The following LRRC28 variants were observed in gnomAD, a reference collection of about 807,000 sequenced individuals.
The protein encoded by LRRC28 is leucine-rich repeat-containing protein 28.
A neutral mutation model predicts 45.7 loss-of-function variants in LRRC28; 39 were observed. The ratio of observed to expected loss-of-function variants is 0.85; its 90% CI spans 0.66 to 1.12. The LOEUF is 1.12. Ranked by LOEUF, LRRC28 falls within the 50% of genes most tolerant of loss-of-function variation. The probability of loss-of-function intolerance (pLI) is 0.00; values close to 1 mark genes in which losing one functional copy is unlikely to be tolerated. For synonymous variants in LRRC28, 206 were observed against 178.8 expected (o/e 1.15, Z -1.22); for missense variants, 435 against 438.5 (o/e 0.99, Z 0.07).
intron 5 of LRRC28, among the ~76,000 whole-genome samples, chr15:99,330,113 A>G (rs1032586563): frequency 6.6e-6 from 1 of 152,170 alleles, no homozygotes; most frequent in African/African-American, 2.4e-5. Context: ...TTCGAGAATT[A>G]TACTTTTGGG....
rs575742454 is a variant in LRRC28, at chr15:99,259,116, C to T, written c.168+2991C>T. On this transcript the variant is annotated intron_variant, in intron 2 of 9. Coordinates refer to ENST00000301981, the MANE Select transcript of LRRC28 (RefSeq NM_144598.5). The stretch of plus-strand genomic sequence containing the variant: ...AAGCTTGGTGTAATTGAAGACCACT[C>T]GAATCGAACATGTCTTGCTAAACTT... The T allele has an allele frequency of 1.4e-5, 19 of 1,324,238 alleles. No individual in the cohort carries two copies. In the East Asian group the frequency reaches 1.8e-4, roughly 13 times the overall value. The allele number at this position is 1,324,238 out of a possible 1,614,324, so 82.0% of individuals were successfully genotyped here. A position where few individuals can be genotyped will look rare whatever the true frequency, so the allele number is the denominator to read the frequency against.
At chr15:99,281,804 A>G (rs145486258) in intron 3 of LRRC28, among the ~76,000 whole-genome samples, 227 of 152,322 alleles carry the variant, frequency 1.5e-3, no homozygotes, top group African/African-American at 5.1e-3. Context: ...TTACTAAAGC[A>G]TGAGCTTTCC....
At chr15:99,325,594 G>A (rs1323924391) in intron 5 of LRRC28, among the ~76,000 whole-genome samples, 1 of 152,226 alleles carries the variant, frequency 6.6e-6, no homozygotes, top group Non-Finnish European at 1.5e-5. Flanking sequence ...TTTTGTAGAT[G>A]CCCCTTATTG....
At chr15:99,344,736 T>TTA (rs1794963266) in intron 6 of LRRC28, among the ~76,000 whole-genome samples, 1 of 152,188 alleles carries the variant, frequency 6.6e-6, no homozygotes, top group African/African-American at 2.4e-5. Context: ...CAGCTCTTAT[T>TTA]TAACTGTATT....
At chr15:99,366,112 A>G (rs1378308729) in intron 9 of LRRC28, among the ~76,000 whole-genome samples, 2 of 152,348 alleles carry the variant, frequency 1.3e-5, no homozygotes, top group Non-Finnish European at 2.9e-5. Context: ...GGATGCTGCA[A>G]CAAAGTGCTG....
At chr15:99,380,366 C>CT (rs570067091) in intron 9 of LRRC28, among the ~76,000 whole-genome samples, 229 of 152,118 alleles carry the variant, frequency 1.5e-3, no homozygotes, top group Non-Finnish European at 2.2e-3. Context: ...CAACCCTTGC[C>CT]TTTTTTTGTT....
At position 99,386,618 on chromosome 15, in the gene LRRC28, C is replaced by T. The variant is rs1957999740; in HGVS notation, c.*516C>T. On this transcript the variant is annotated 3_prime_UTR_variant, in exon 10 of 10. Coordinates refer to ENST00000301981, the MANE Select transcript of LRRC28 (RefSeq NM_144598.5). ...GGTCTTGAGTAGCAGGGTGGGGCGC[C>T]TGAGTTGGCAGCAAAGTGAGGCTCC... 6.5e-6 allele frequency: 1 copy of T among 152,920 alleles called. No homozygotes were observed. The highest frequency in any genetic ancestry group is 1.5e-5 in the Non-Finnish European group (1 of 68,592). The allele number at this position is 152,920 out of a possible 1,614,324, so 9.5% of individuals were successfully genotyped here. A position where few individuals can be genotyped will look rare whatever the true frequency, so the allele number is the denominator to read the frequency against.
At chr15:99,364,684 C>G (rs534508375) in intron 9 of LRRC28, among the ~76,000 whole-genome samples, 1 of 152,120 alleles carries the variant, frequency 6.6e-6, no homozygotes, top group African/African-American at 2.4e-5. Context: ...ACTTACTGAC[C>G]ATCCCTGAGC....
At chr15:99,321,320 T>C (rs957251780) in intron 5 of LRRC28, among the ~76,000 whole-genome samples, 2 of 152,204 alleles carry the variant, frequency 1.3e-5, no homozygotes, top group Non-Finnish European at 2.9e-5. Context: ...AATTTAGTTA[T>C]GTTATTGTAT....
chr15:99,261,397 A>C (rs915921706), intron 2 of LRRC28, among the ~76,000 whole-genome samples: 2 of 152,082 alleles, frequency 1.3e-5, no homozygotes, highest in Admixed American at 6.5e-5. Context: ...CTTATAAACA[A>C]ATTTATTTCT....
At position 99,345,985 on chromosome 15, in the gene LRRC28, CTT is replaced by C. The variant is rs751340554; in HGVS notation, c.593-6380_593-6379del. 2.6e-5 allele frequency among the ~76,000 whole-genome samples: 4 copies of C among 152,064 alleles called. No individual in the cohort carries two copies. The East Asian group carries it at 7.7e-4, about 29-fold the overall frequency. Reference sequence around the variant, plus strand: ...GACTTACTTCTAGGTTAACGCCTCTCTTTTTATTTTTTTTTTAGCAGGGTCTC... The same window carrying C: ...GACTTACTTCTAGGTTAACGCCTCTCTTTATTTTTTTTTTAGCAGGGTCTC... On this transcript the variant is annotated intron_variant, in intron 6 of 9. Coordinates refer to ENST00000301981, the MANE Select transcript of LRRC28 (RefSeq NM_144598.5).
intron 7 of LRRC28, among the ~76,000 whole-genome samples, chr15:99,359,253 A>G (rs563074184): frequency 1.3e-5 from 2 of 152,346 alleles, no homozygotes; most frequent in African/African-American, 4.8e-5. Flanking sequence ...AAAGAGAACC[A>G]TATGCAAAGT....
At chr15:99,264,366 G>A (rs1458340216) in intron 2 of LRRC28, among the ~76,000 whole-genome samples, 2 of 152,184 alleles carry the variant, frequency 1.3e-5, no homozygotes, top group African/African-American at 2.4e-5. Flanking sequence ...ATTTAGACAC[G>A]TTAAGGCTCA....
chr15:99,361,219 C>T (rs183820819), intron 7 of LRRC28, 117 bp from the exon 8 acceptor site: 24 of 1,236,196 alleles, frequency 1.9e-5, no homozygotes, highest in Non-Finnish European at 2.4e-5. Flanking sequence ...GAAAAGAATT[C>T]TGGCAATTCA....
chr15:99,354,980 T>C (rs1957003994), intron 7 of LRRC28, among the ~76,000 whole-genome samples: 1 of 152,164 alleles, frequency 6.6e-6, no homozygotes, highest in African/African-American at 2.4e-5. Context: ...ATAAGAAAAG[T>C]CTGAGATATA....
At chr15:99,278,537 C>G (rs1431598106) in intron 3 of LRRC28, among the ~76,000 whole-genome samples, 3 of 152,210 alleles carry the variant, frequency 2.0e-5, no homozygotes, top group Admixed American at 1.3e-4. Context: ...TGAGCCACTG[C>G]ACCTGGTCCC....
intron 5 of LRRC28, among the ~76,000 whole-genome samples, chr15:99,308,255 G>A (rs1034416487): frequency 1.3e-5 from 2 of 152,132 alleles, no homozygotes; most frequent in Non-Finnish European, 2.9e-5. Flanking sequence ...AGGTAGAATC[G>A]AGACAATGCT....
At chr15:99,351,408 C>T (rs921526454) in intron 6 of LRRC28, among the ~76,000 whole-genome samples, 4 of 152,200 alleles carry the variant, frequency 2.6e-5, no homozygotes, top group African/African-American at 9.7e-5. Flanking sequence ...TGAATTCTGC[C>T]TCTTTCTGAC....
intron 5 of LRRC28, among the ~76,000 whole-genome samples, chr15:99,289,077 G>A (rs2082039694): frequency 6.6e-6 from 1 of 152,150 alleles, no homozygotes; most frequent in Admixed American, 6.5e-5. Context: ...TGATGAACAT[G>A]TAAATAAATT....
Sources: allele counts gnomAD v4.1 joint callset (sites outside exome capture counted in the v4.1 genomes callset), GRCh38; gene constraint gnomAD v4.1.1; transcripts MANE v1.5; gene names NCBI Gene and HGNC (gene_info 2026-07-23, HGNC 2026-07-21).